The following STAMBP variants were observed in gnomAD, a reference collection of about 807,000 sequenced individuals.
STAMBP encodes the protein STAM-binding protein.
Under a neutral mutation model 50.7 loss-of-function variants are expected in STAMBP, and 31 were observed. The observed-to-expected ratio is 0.61, with a 90% CI of 0.46 to 0.83. STAMBP has a LOEUF of 0.83. STAMBP is among the 40% of genes least tolerant of loss of function. STAMBP has a pLI of 0.00. For synonymous variants in STAMBP, 211 were observed against 192.4 expected (o/e 1.10, Z -0.80); for missense variants, 472 against 518.9 (o/e 0.91, Z 0.88).
At chr2:73,872,880 A>G (rs1679254313) in intron 10 of STAMBP, among the ~76,000 whole-genome samples, 1 of 152,234 alleles carries the variant, frequency 6.6e-6, no homozygotes, top group South Asian at 2.1e-4. Context: ...ATTCAGGAAT[A>G]AAGTAAAACA....
intron 1 of STAMBP, 90 bp from the exon 2 acceptor site, chr2:73,830,755 T>G (rs1673801107): frequency 2.1e-6 from 2 of 945,586 alleles, no homozygotes; most frequent in African/African-American, 1.7e-5. Context: ...TTATATTTTC[T>G]TCTTAAGGTA....
chr2:73,862,253 T>C lies in STAMBP; in HGVS notation c.1269T>C (p.Leu423=). 1 of 1,612,052 alleles carries C rather than the reference T, an allele frequency of 6.2e-7. No individual in the cohort carries two copies. Among genetic ancestry groups the C allele is most frequent in the African/African-American group, 1.3e-5 (1 of 74,838 alleles). ...ACAGAGCAGTGACCATCACAGACCT[T>C]CGATGAGCGTTTGAGTCCAACACCT... is the stretch of plus-strand genomic sequence containing the variant. The part of the protein sequence containing the change: ...VVDRAVTITD[L]R The change falls in exon 10 of 10, where the codon CTT becomes CTC. Residue 423 remains leucine, a synonymous_variant. Coordinates refer to ENST00000394070, the MANE Select transcript of STAMBP (RefSeq NM_213622.4).
chr2:73,834,634 G>C (rs941897540), intron 2 of STAMBP, among the ~76,000 whole-genome samples: 3 of 152,022 alleles, frequency 2.0e-5, no homozygotes, highest in Non-Finnish European at 1.5e-5. Context: ...TGAAACCCAT[G>C]TTGTCCAAAA....
intron 3 of STAMBP, 28 bp downstream of exon 3, chr2:73,844,916 T>C (rs1479063430): frequency 6.2e-7 from 1 of 1,611,060 alleles, no homozygotes; most frequent in Non-Finnish European, 8.5e-7. Context: ...TTGTTGCCCA[T>C]CTAAAAGCTT....
At chr2:73,836,893 G>A (rs1327381519) in intron 2 of STAMBP, among the ~76,000 whole-genome samples, 1 of 152,194 alleles carries the variant, frequency 6.6e-6, no homozygotes, top group Non-Finnish European at 1.5e-5. Flanking sequence ...CTGCCCTGTA[G>A]GACTAGGTCC....
rs1488996825 is a variant in STAMBP at position 73,866,057 on chromosome 2, CT to C, written c.*3799del. ...GAACCTCCCACTTTTGTTGTTCCAACTACTTCTTGAGATGAAGGAAGGGCAG... is the reference window on the plus strand; with the variant it reads ...GAACCTCCCACTTTTGTTGTTCCAACACTTCTTGAGATGAAGGAAGGGCAG... On this transcript the variant is annotated 3_prime_UTR_variant, in exon 10 of 10. Transcript: ENST00000394070. The C allele has an allele frequency of 6.6e-6, 1 of 152,282 alleles. No individual in the cohort carries two copies. The highest frequency in any genetic ancestry group is 1.5e-5 in the Non-Finnish European group (1 of 68,076). 9.4% of individuals were successfully genotyped at this position (152,282 alleles called of 1,614,324 possible). A position where few individuals can be genotyped will look rare whatever the true frequency, so the allele number is the denominator to read the frequency against.
chr2:73,862,271 C>T lies in STAMBP; in HGVS notation c.*12C>T. On this transcript the variant is annotated 3_prime_UTR_variant, in exon 10 of 10. Transcript: ENST00000394070. ...CAGACCTTCGATGAGCGTTTGAGTC[C>T]AACACCTTCCAAGAACAACAAAACC... 1 of 1,606,692 alleles carries T rather than the reference C, an allele frequency of 6.2e-7. No individual in the cohort carries two copies. Among genetic ancestry groups the T allele is most frequent in the Non-Finnish European group, 8.5e-7 (1 of 1,177,156 alleles).
At chr2:73,837,199 C>T (rs1033553052) in intron 2 of STAMBP, among the ~76,000 whole-genome samples, 2 of 152,182 alleles carry the variant, frequency 1.3e-5, no homozygotes, top group East Asian at 3.8e-4. Context: ...TTGTTGCTGA[C>T]ATCTCAAAAT....
At chr2:73,853,078 T>A (rs1677076928) in intron 7 of STAMBP, among the ~76,000 whole-genome samples, 1 of 152,036 alleles carries the variant, frequency 6.6e-6, no homozygotes, top group African/African-American at 2.4e-5. Flanking sequence ...TAAGAAAAAA[T>A]TTCCAGATGT....
intron 7 of STAMBP, among the ~76,000 whole-genome samples, chr2:73,858,399 A>C (rs957442309): frequency 6.6e-6 from 1 of 151,960 alleles, no homozygotes; most frequent in Non-Finnish European, 1.5e-5. Flanking sequence ...TCAGCCTCCC[A>C]AAGTGCTGGG....
Position 73,844,891 on chromosome 2 carries a change from G to C in STAMBP, c.279+3G>C. On this transcript the variant is annotated splice_donor_region_variant and intron_variant, in intron 3 of 9. Coordinates refer to ENST00000394070, the MANE Select transcript of STAMBP (RefSeq NM_213622.4). ...CTGAAAAGAAAGACACAGTAAAGGT[G>C]GGTCTTCACTTTCATTGTTGCCCAT... The C allele has an allele frequency of 6.2e-7, 1 of 1,613,358 alleles. No homozygotes were observed. Among genetic ancestry groups the C allele is most frequent in the Non-Finnish European group, 8.5e-7 (1 of 1,179,826 alleles).
Position 73,865,787 on chromosome 2 carries a change from C to T in STAMBP, c.*3528C>T, listed in dbSNP as rs1268855641. The T allele has an allele frequency of 6.6e-6, 1 of 151,236 alleles. No individual in the cohort carries two copies. Among genetic ancestry groups the T allele is most frequent in the Non-Finnish European group, 1.5e-5 (1 of 67,812 alleles). The allele number at this position is 151,236 out of a possible 1,614,324, so 9.4% of individuals were successfully genotyped here. ...ACAGTTGGGGTGCGGTTGCTTCTATCTTCTGGACCTCTGCCCATTCAGCAT... is the reference window on the plus strand; with the variant it reads ...ACAGTTGGGGTGCGGTTGCTTCTATTTTCTGGACCTCTGCCCATTCAGCAT... On this transcript the variant is annotated 3_prime_UTR_variant, in exon 10 of 10. Transcript: ENST00000394070.
At chr2:73,871,441 A>T (rs779441736), downstream of STAMBP, among the ~76,000 whole-genome samples, 46 of 151,908 alleles carry the variant, frequency 3.0e-4, no homozygotes, top group Non-Finnish European at 5.0e-4. Flanking sequence ...CCAGCTACTC[A>T]GGAGGCTGAG....
chr2:73,832,101 A>G (rs904992497), intron 2 of STAMBP, among the ~76,000 whole-genome samples: 3 of 135,186 alleles, frequency 2.2e-5, no homozygotes, highest in African/African-American at 9.1e-5. Flanking sequence ...ATATATATAT[A>G]TATATATACA....
At chr2:73,858,891 C>T (rs556042861) in intron 7 of STAMBP, among the ~76,000 whole-genome samples, 1 of 151,236 alleles carries the variant, frequency 6.6e-6, no homozygotes, top group Non-Finnish European at 1.5e-5. Flanking sequence ...AGTAGTCCCC[C>T]CCTTATCCTC....
downstream of STAMBP, among the ~76,000 whole-genome samples, chr2:73,868,460 G>C (rs1453584032): frequency 3.3e-5 from 5 of 151,956 alleles, no homozygotes; most frequent in Admixed American, 3.3e-4. Context: ...CTCATTAAAA[G>C]AAATCCACTG....
At chr2:73,870,540 C>T (rs982074251), downstream of STAMBP, among the ~76,000 whole-genome samples, 2 of 152,152 alleles carry the variant, frequency 1.3e-5, no homozygotes. Flanking sequence ...AGGGTTATTT[C>T]TGTCTTTTTT....
chr2:73,859,732 A>G (rs1340245175), intron 8 of STAMBP, among the ~76,000 whole-genome samples: 1 of 145,538 alleles, frequency 6.9e-6, no homozygotes, highest in African/African-American at 2.6e-5. Context: ...AAATAAAAAT[A>G]AAAAATAAGA....
In STAMBP at chr2:73,850,457, G is replaced by A; in HGVS notation, c.949G>A (p.Glu317Lys). The change falls in exon 7 of 10, where the codon GAA becomes AAA. Residue 317 changes from glutamate (E) to lysine (K), a missense_variant. Coordinates refer to ENST00000394070, the MANE Select transcript of STAMBP (RefSeq NM_213622.4). The surrounding 1 kb of genome is among the most constrained non-coding windows in gnomAD (Gnocchi z 4.3). Reference protein sequence around the residue: ...GSDYCNTENEEELFLIQDQQG... With the variant: ...GSDYCNTENEKELFLIQDQQG... ...TGATTACTGCAACACAGAGAACGAAGAAGAACTTTTCCTCATACAGGATCA... is the reference window on the plus strand; with the variant it reads ...TGATTACTGCAACACAGAGAACGAAAAAGAACTTTTCCTCATACAGGATCA... The A allele has an allele frequency of 6.2e-7, 1 of 1,613,922 alleles. No individual in the cohort carries two copies. The highest frequency in any genetic ancestry group is 8.5e-7 in the Non-Finnish European group (1 of 1,179,956).
Sources: gnomAD v4.1 joint callset for allele counts (sites outside exome capture counted in the v4.1 genomes callset) on GRCh38, gnomAD v4.1.1 for gene constraint, Gnocchi (gnomAD v3.1) non-coding constraint, MANE v1.5 for transcripts, NCBI Gene and HGNC (gene_info 2026-07-23, HGNC 2026-07-21) for gene names.